The following TFCP2 variants were observed in gnomAD, a reference collection of about 807,000 sequenced individuals.
The protein encoded by TFCP2 is transcription factor CP2.
A neutral mutation model predicts 73.4 loss-of-function variants in TFCP2; 33 were observed. The ratio of observed to expected loss-of-function variants is 0.45; its 90% CI spans 0.34 to 0.60. The LOEUF (loss-of-function observed/expected upper bound fraction) is 0.60, where lower values mean the gene tolerates loss of function less well. Among genes scored for constraint, TFCP2 ranks in the 20% least tolerant of loss-of-function variants. TFCP2 has a pLI of 0.01. For missense variants in TFCP2, 352 were observed against 604.0 expected, an observed-to-expected ratio of 0.58 and a Z score of 4.37; for synonymous variants, 193 against 211.6, an observed-to-expected ratio of 0.91 and a Z score of 0.76.
rs398019544 is a variant in TFCP2, at chr12:51,120,929, A to AAG, written c.123-2158_123-2157insCT. On this transcript the variant is annotated intron_variant, in intron 1 of 14. Coordinates refer to ENST00000257915, the MANE Select transcript of TFCP2 (RefSeq NM_005653.5). ...TGTCTCAAAAAAAAAAAAAAAAAAAAGGTAAAAAGAGTAGTAACATGTTAA... is the reference window on the plus strand; with the variant it reads ...TGTCTCAAAAAAAAAAAAAAAAAAAAAGGGTAAAAAGAGTAGTAACATGTTAA... 3.1e-4 allele frequency among the ~76,000 whole-genome samples: 47 copies of AAG among 150,070 alleles called. No individual in the cohort carries two copies. The South Asian group carries it at 4.5e-3, about 14-fold the overall frequency.
intron 1 of TFCP2, among the ~76,000 whole-genome samples, chr12:51,126,482 G>A (rs558686480): frequency 6.6e-6 from 1 of 152,190 alleles, no homozygotes; most frequent in African/African-American, 2.4e-5. Flanking sequence ...TTTGAGAAAA[G>A]GCAGCCCTGA....
intron 1 of TFCP2, among the ~76,000 whole-genome samples, chr12:51,125,550 TC>T (rs1224558732): frequency 6.6e-6 from 1 of 152,242 alleles, no homozygotes; most frequent in Non-Finnish European, 1.5e-5. Flanking sequence ...TATACTCTGT[TC>T]TTTGCTTCTG....
chr12:51,172,480 A>C lies in TFCP2; in HGVS notation c.-58T>G. ...GTCTTGTACAAAGGCGCGGAGGGTAATTCTACCCAACAGGAGTAACGCAAA... is the reference window on the plus strand; with the variant it reads ...GTCTTGTACAAAGGCGCGGAGGGTACTTCTACCCAACAGGAGTAACGCAAA... On this transcript the variant is annotated 5_prime_UTR_variant, in exon 1 of 15. Transcript: ENST00000257915. 5 of 1,607,262 alleles carry C rather than the reference A, an allele frequency of 3.1e-6. No homozygotes were observed. Among genetic ancestry groups the C allele is most frequent in the Non-Finnish European group, 4.2e-6 (5 of 1,177,536 alleles).
At chr12:51,107,855 C>T (rs1033404548) in intron 6 of TFCP2, among the ~76,000 whole-genome samples, 2 of 151,888 alleles carry the variant, frequency 1.3e-5, no homozygotes, top group African/African-American at 2.4e-5. Context: ...CCGCCCACCT[C>T]GGCCTCCCAA....
intron 1 of TFCP2, among the ~76,000 whole-genome samples, chr12:51,144,084 C>A (rs1941241877): frequency 6.6e-6 from 1 of 152,128 alleles, no homozygotes. Flanking sequence ...AGGCCAAGTG[C>A]AGTGGCATAA....
intron 4 of TFCP2, among the ~76,000 whole-genome samples, chr12:51,115,422 A>T (rs1157478368): frequency 6.6e-6 from 1 of 152,084 alleles, no homozygotes; most frequent in Non-Finnish European, 1.5e-5. Flanking sequence ...GCCCGGCCGA[A>T]ATTGGAACCT....
At chr12:51,110,470 G>T (rs1940373055) in intron 5 of TFCP2, among the ~76,000 whole-genome samples, 4 of 152,154 alleles carry the variant, frequency 2.6e-5, no homozygotes, top group Admixed American at 2.6e-4. Flanking sequence ...TGGTGAGGCT[G>T]AGGCAAGAGA....
chr12:51,103,492 G>A (rs564679710), intron 10 of TFCP2, among the ~76,000 whole-genome samples, 178 bp downstream of exon 10: 1 of 152,246 alleles, frequency 6.6e-6, no homozygotes, highest in East Asian at 1.9e-4. Flanking sequence ...GTATTTCACA[G>A]CACAGCTGCA....
At chr12:51,148,289 T>C (rs1000728545) in intron 1 of TFCP2, among the ~76,000 whole-genome samples, 3 of 152,218 alleles carry the variant, frequency 2.0e-5, no homozygotes, top group African/African-American at 7.2e-5. Flanking sequence ...GCTGGGTATC[T>C]ACCCAGAGGA....
At chr12:51,109,033 A>G in intron 6 of TFCP2, 88 bp downstream of exon 6, 1 of 1,461,306 alleles carries the variant, frequency 6.8e-7, no homozygotes, top group Non-Finnish European at 9.4e-7. Context: ...TCAAAAAAAG[A>G]CAAGTTGATT....
At position 51,157,681 on chromosome 12, in the gene TFCP2, C is replaced by CTTTTTTTTT. The variant is rs770963610; in HGVS notation, c.122+14619_122+14620insAAAAAAAAA. The stretch of plus-strand genomic sequence containing the variant: ...TTCAGTAATTTGAGTTTTTTCTTTT[C>CTTTTTTTTT]TTTTCTTTTTTTTTTTTTTTTTTGA... On this transcript the variant is annotated intron_variant, in intron 1 of 14. Transcript: ENST00000257915. Among the ~76,000 whole-genome samples, 37 of 77,288 alleles carry CTTTTTTTTT rather than the reference C, an allele frequency of 4.8e-4. 1 individual carries two copies. Among genetic ancestry groups the CTTTTTTTTT allele is most frequent in the Non-Finnish European group, 6.6e-4 (27 of 40,722 alleles). The allele number at this position is 77,288 out of a possible 152,430, so 50.7% of individuals were successfully genotyped here.
intron 9 of TFCP2, 44 bp downstream of exon 9, chr12:51,104,111 A>G: frequency 6.3e-7 from 1 of 1,584,206 alleles, no homozygotes; most frequent in Non-Finnish European, 8.7e-7. Context: ...TCATCAAAGT[A>G]TTACCAGACA....
chr12:51,097,618 T>A (rs1201067889), intron 13 of TFCP2, among the ~76,000 whole-genome samples: 1 of 152,146 alleles, frequency 6.6e-6, no homozygotes, highest in African/African-American at 2.4e-5. Flanking sequence ...AATTGTATAA[T>A]TATGATAATT....
chr12:51,141,607 T>C (rs1260039788), intron 1 of TFCP2, among the ~76,000 whole-genome samples: 1 of 151,786 alleles, frequency 6.6e-6, no homozygotes, highest in Non-Finnish European at 1.5e-5. Context: ...ATATAAAAAA[T>C]AGGGGTCTTT....
intron 4 of TFCP2, among the ~76,000 whole-genome samples, chr12:51,113,861 T>C (rs1261362037): frequency 1.3e-5 from 2 of 152,168 alleles, no homozygotes; most frequent in East Asian, 3.8e-4. Flanking sequence ...TGCAAAAGAA[T>C]GAAGTTGGGC....
At chr12:51,151,980 T>C (rs1051436387) in intron 1 of TFCP2, among the ~76,000 whole-genome samples, 4 of 152,178 alleles carry the variant, frequency 2.6e-5, no homozygotes, top group Non-Finnish European at 4.4e-5. Context: ...GCAACGATCA[T>C]AAAGATAACT....
chr12:51,125,578 T>C (rs1940793110), intron 1 of TFCP2, among the ~76,000 whole-genome samples: 1 of 152,258 alleles, frequency 6.6e-6, no homozygotes, highest in Admixed American at 6.5e-5. Context: ...TTAGCCCTTC[T>C]GTCTAACCTC....
chr12:51,101,647 T>C (rs536016454), intron 11 of TFCP2, among the ~76,000 whole-genome samples: 10 of 152,286 alleles, frequency 6.6e-5, no homozygotes, highest in African/African-American at 2.2e-4. Context: ...TGCTCACCAA[T>C]ATATTAATAT....
intron 1 of TFCP2, among the ~76,000 whole-genome samples, chr12:51,120,909 CAAAAAA>C (rs35941534): frequency 4.1e-4 from 32 of 78,726 alleles, no homozygotes; most frequent in Non-Finnish European, 6.1e-4. Flanking sequence ...GACTGTGTCT[CAAAAAA>C]AAAAAAAAAA....
Sources: allele counts gnomAD v4.1 joint callset (sites outside exome capture counted in the v4.1 genomes callset), GRCh38; gene constraint gnomAD v4.1.1; transcripts MANE v1.5; gene names NCBI Gene and HGNC (gene_info 2026-07-23, HGNC 2026-07-21).